Variants in STK32B observed in about 807,000 individuals in gnomAD.
STK32B encodes serine/threonine kinase 32B.
STK32B carries 43 observed loss-of-function variants against 52.6 expected under a neutral mutation model. The ratio of observed to expected loss-of-function variants is 0.82; its 90% CI spans 0.64 to 1.05. The LOEUF is 1.05. Ranked by LOEUF, STK32B falls within the 50% of genes least tolerant of loss-of-function variation. STK32B has a pLI of 0.00. For missense variants in STK32B, 621 were observed against 534.6 expected (o/e 1.16, Z -1.59); for synonymous variants, 238 against 204.3 (o/e 1.17, Z -1.41).
At chr4:5,490,184 G>A (rs963722502) in intron 11 of STK32B, among the ~76,000 whole-genome samples, 2 of 150,944 alleles carry the variant, frequency 1.3e-5, no homozygotes, top group African/African-American at 4.9e-5. Context: ...TTGGCTCACT[G>A]AAACCTCTAC....
chr4:5,309,721 A>G (rs897912961), intron 3 of STK32B, among the ~76,000 whole-genome samples: 1 of 152,198 alleles, frequency 6.6e-6, no homozygotes, highest in Non-Finnish European at 1.5e-5. Context: ...TCATTATATA[A>G]AAACCAACTT....
At chr4:5,370,173 C>A (rs2109010466) in intron 4 of STK32B, among the ~76,000 whole-genome samples, 1 of 152,286 alleles carries the variant, frequency 6.6e-6, no homozygotes, top group East Asian at 1.9e-4. Context: ...CCACGCCCGA[C>A]CCTCAAAGAG....
intron 4 of STK32B, among the ~76,000 whole-genome samples, chr4:5,348,238 C>T (rs534000275): frequency 1.3e-5 from 2 of 152,234 alleles, no homozygotes; most frequent in African/African-American, 4.8e-5. Flanking sequence ...TCTTTCTGGC[C>T]CCTGAGACTA....
At chr4:5,094,519 T>C (rs1713271900) in intron 1 of STK32B, among the ~76,000 whole-genome samples, 1 of 152,084 alleles carries the variant, frequency 6.6e-6, no homozygotes, top group Non-Finnish European at 1.5e-5. Context: ...GTGGGCATGG[T>C]GGTGTGCACC....
chr4:5,108,770 C>T (rs1429039894), intron 1 of STK32B, among the ~76,000 whole-genome samples: 1 of 152,144 alleles, frequency 6.6e-6, no homozygotes, highest in East Asian at 1.9e-4. Flanking sequence ...CTGAAATCTG[C>T]CGATGCTGTG....
At chr4:5,039,200 G>A in the STK32B span, among the ~76,000 whole-genome samples, 3 of 151,968 alleles carry the variant, frequency 2.0e-5, no homozygotes, top group Non-Finnish European at 2.9e-5. Flanking sequence ...TTGCTATGTC[G>A]CTCAGGCTGG....
intron 4 of STK32B, among the ~76,000 whole-genome samples, chr4:5,359,288 G>C (rs1296853658): frequency 6.6e-6 from 1 of 151,948 alleles, no homozygotes; most frequent in African/African-American, 2.4e-5. Context: ...TGCAGTCTTG[G>C]AAAAGCTGAG....
rs74623864 is a variant in STK32B at position 5,068,658 on chromosome 4, T to A, written c.52+16743T>A. 1.8e-3 allele frequency among the ~76,000 whole-genome samples: 281 copies of A among 152,320 alleles called. 2 individuals are homozygous for A. Among genetic ancestry groups the A allele is most frequent in the African/African-American group, 6.3e-3 (263 of 41,568 alleles). ...TCCCACCTGCAGAATTATTATTATT[T>A]TTTTTACCATAGCTGTGTACTACCT... On this transcript the variant is annotated intron_variant, in intron 1 of 11. Transcript: ENST00000282908.
intron 3 of STK32B, among the ~76,000 whole-genome samples, chr4:5,194,883 A>G: frequency 6.6e-6 from 1 of 151,970 alleles, no homozygotes; most frequent in East Asian, 1.9e-4. Context: ...TTTCATGAAA[A>G]CTCATTCACT....
chr4:5,069,880 A>C (rs999222053), intron 1 of STK32B, among the ~76,000 whole-genome samples: 3 of 152,142 alleles, frequency 2.0e-5, no homozygotes, highest in African/African-American at 7.2e-5. Context: ...ATCCTCTCCG[A>C]GCCTCAGTTT....
chr4:5,352,483 ACAT>A lies in STK32B; in HGVS notation c.434+21094_434+21096del, dbSNP rs553315961. On this transcript the variant is annotated intron_variant, in intron 4 of 11. Coordinates refer to ENST00000282908, the MANE Select transcript of STK32B (RefSeq NM_018401.3). ...GCCATATGTGACAAAACCCCAGCTA[ACAT>A]CATACTGAATGGGGCAAAGCTGAAA... Among the ~76,000 whole-genome samples, 1,064 of 152,174 alleles carry A rather than the reference ACAT, an allele frequency of 7.0e-3. 8 individuals carry two copies. The highest frequency in any genetic ancestry group is 0.024 in the African/African-American group (1,015 of 41,540).
rs1577039777 is a variant in STK32B, at chr4:5,058,903, A to G, written c.52+6988A>G. ...GTACCTGGGATTACAGGCAGGTGCC[A>G]CCATGCCCAGCTAATTTTTGTATTT... On this transcript the variant is annotated intron_variant, in intron 1 of 11. Coordinates refer to ENST00000282908, the MANE Select transcript of STK32B (RefSeq NM_018401.3). This position sits in a 1 kb window ranked among gnomAD's most constrained non-coding sequence, Gnocchi z 4.8. 6.6e-6 allele frequency among the ~76,000 whole-genome samples: 1 copy of G among 152,056 alleles called. No homozygotes were observed. The highest frequency in any genetic ancestry group is 6.5e-5 in the Admixed American group (1 of 15,274).
chr4:5,211,826 G>A (rs1257131846), intron 3 of STK32B, among the ~76,000 whole-genome samples: 2 of 152,168 alleles, frequency 1.3e-5, no homozygotes, highest in African/African-American at 2.4e-5. Context: ...TGTGAATCAC[G>A]CAAGCTCTAA....
At chr4:5,346,862 G>GAAAC (rs1733500938) in intron 4 of STK32B, among the ~76,000 whole-genome samples, 1 of 152,220 alleles carries the variant, frequency 6.6e-6, no homozygotes, top group Non-Finnish European at 1.5e-5. Flanking sequence ...TCATGGCCGG[G>GAAAC]TAGGCCTCAG....
intron 1 of STK32B, among the ~76,000 whole-genome samples, chr4:5,092,562 C>T (rs28768827): frequency 0.039 from 5,915 of 151,278 alleles, 383 homozygotes; most frequent in African/African-American, 0.14. Context: ...AAGAAGAAAA[C>T]CTGAAACCGG....
intron 3 of STK32B, among the ~76,000 whole-genome samples, chr4:5,262,833 G>C (rs374115588): frequency 6.6e-6 from 1 of 152,114 alleles, no homozygotes; most frequent in African/African-American, 2.4e-5. Flanking sequence ...ATTGTTGGTT[G>C]ATGTTCATTT....
intron 4 of STK32B, among the ~76,000 whole-genome samples, chr4:5,333,730 G>C (rs1431583102): frequency 6.6e-6 from 1 of 152,150 alleles, no homozygotes; most frequent in Admixed American, 6.5e-5. Context: ...TTATTAAATA[G>C]GGAATCCTTT....
chr4:5,098,900 G>T (rs1037195298), intron 1 of STK32B, among the ~76,000 whole-genome samples: 1 of 152,206 alleles, frequency 6.6e-6, no homozygotes, highest in Non-Finnish European at 1.5e-5. Context: ...GAGCACTACT[G>T]TATGGAAAGA....
At chr4:5,330,692 G>A (rs1330560329) in intron 3 of STK32B, among the ~76,000 whole-genome samples, 1 of 152,174 alleles carries the variant, frequency 6.6e-6, no homozygotes, top group East Asian at 1.9e-4. Context: ...GCATCTGGCT[G>A]GGTTCCAAGA....
Sources: gnomAD v4.1 joint callset for allele counts (sites outside exome capture counted in the v4.1 genomes callset) on GRCh38, gnomAD v4.1.1 for gene constraint, Gnocchi (gnomAD v3.1) non-coding constraint, MANE v1.5 for transcripts, NCBI Gene and HGNC (gene_info 2026-07-23, HGNC 2026-07-21) for gene names.